Variants in OR3A2 observed in about 807,000 individuals in gnomAD.
OR3A2 encodes the protein olfactory receptor 3A2.
For synonymous variants in OR3A2, 126 were observed against 159.3 expected, an observed-to-expected ratio of 0.79 and a Z score of 1.57; for missense variants, 318 against 392.8, an observed-to-expected ratio of 0.81 and a Z score of 1.61.
intron 2 of OR3A2, among the ~76,000 whole-genome samples, chr17:3,355,647 T>C (rs1010633821): frequency 1.3e-5 from 2 of 151,422 alleles, no homozygotes; most frequent in African/African-American, 4.9e-5. Flanking sequence ...TTCTGCTCTT[T>C]TTTGGTTTTC....
chr17:3,284,873 GC>G (rs1383438483), upstream of OR3A2, among the ~76,000 whole-genome samples: 15 of 150,788 alleles, frequency 9.9e-5, no homozygotes, highest in African/African-American at 3.4e-4. Flanking sequence ...GCAGAAACAA[GC>G]CAATTCCTGA....
At chr17:3,299,245 G>T (rs892795939) in intron 3 of OR3A2, among the ~76,000 whole-genome samples, 2 of 152,206 alleles carry the variant, frequency 1.3e-5, no homozygotes, top group Non-Finnish European at 2.9e-5. Context: ...TGAGCAGAGA[G>T]AGCTGACTCT....
At chr17:3,313,824 C>G (rs760277250) in intron 3 of OR3A2, among the ~76,000 whole-genome samples, 1 of 152,152 alleles carries the variant, frequency 6.6e-6, no homozygotes, top group Non-Finnish European at 1.5e-5. Context: ...TTATGTCTTC[C>G]AAACACACAA....
intron 3 of OR3A2, among the ~76,000 whole-genome samples, chr17:3,317,893 A>G (rs1296254551): frequency 6.6e-6 from 1 of 152,078 alleles, no homozygotes; most frequent in Non-Finnish European, 1.5e-5. Flanking sequence ...CCATGAATGA[A>G]CTAGTGAAGA....
chr17:3,349,703 C>A (rs1380205543), intron 2 of OR3A2, among the ~76,000 whole-genome samples: 1 of 150,826 alleles, frequency 6.6e-6, no homozygotes, highest in African/African-American at 2.4e-5. Context: ...CTACAGAACT[C>A]TCCACCCCAA....
intron 2 of OR3A2, among the ~76,000 whole-genome samples, chr17:3,343,393 G>A (rs556772901): frequency 1.3e-5 from 2 of 152,162 alleles, no homozygotes; most frequent in Non-Finnish European, 2.9e-5. Flanking sequence ...ATCTTGAAAT[G>A]AACCTACTTA....
chr17:3,361,693 G>T (rs1321380699), intron 2 of OR3A2, among the ~76,000 whole-genome samples: 2 of 151,488 alleles, frequency 1.3e-5, no homozygotes, highest in African/African-American at 4.9e-5. Flanking sequence ...TTTGTTTTTT[G>T]TTCTGTTTAT....
chr17:3,321,095 A>T (rs976501683), intron 3 of OR3A2, among the ~76,000 whole-genome samples: 1 of 152,048 alleles, frequency 6.6e-6, no homozygotes, highest in Non-Finnish European at 1.5e-5. Flanking sequence ...GGTCCTTCAC[A>T]TCCTTTGTAA....
chr17:3,365,931 C>T (rs1284189868), intron 2 of OR3A2, among the ~76,000 whole-genome samples: 2 of 152,184 alleles, frequency 1.3e-5, no homozygotes, highest in East Asian at 1.9e-4. Context: ...TTTGAACACA[C>T]AGGACTCAGG....
chr17:3,379,290 G>A (rs571697595), intron 2 of OR3A2, among the ~76,000 whole-genome samples: 38 of 152,124 alleles, frequency 2.5e-4, no homozygotes, highest in Non-Finnish European at 4.9e-4. Context: ...CCAGATCCAG[G>A]AGGGCTACTC....
chr17:3,379,233 T>TGTC (rs2049712515), intron 2 of OR3A2, among the ~76,000 whole-genome samples: 1 of 152,186 alleles, frequency 6.6e-6, no homozygotes, highest in South Asian at 2.1e-4. Context: ...AGAACAAGAC[T>TGTC]GTCCTCAGGA....
intron 2 of OR3A2, among the ~76,000 whole-genome samples, chr17:3,346,318 C>T (rs2049363631): frequency 6.6e-6 from 1 of 152,052 alleles, no homozygotes; most frequent in South Asian, 2.1e-4. Flanking sequence ...TATAGGCAGG[C>T]AATGTGTGCA....
upstream of OR3A2, among the ~76,000 whole-genome samples, chr17:3,285,651 A>G (rs977674093): frequency 6.6e-6 from 1 of 152,086 alleles, no homozygotes; most frequent in East Asian, 1.9e-4. Flanking sequence ...TGTCAGGCAC[A>G]GTGGTGCGGG....
At chr17:3,380,976 T>A (rs2150669354) in intron 2 of OR3A2, among the ~76,000 whole-genome samples, 1 of 152,306 alleles carries the variant, frequency 6.6e-6, no homozygotes, top group African/African-American at 2.4e-5. Flanking sequence ...TTTATGTCTC[T>A]GGCATTTGTT....
intron 2 of OR3A2, among the ~76,000 whole-genome samples, chr17:3,347,706 C>T (rs763784719): frequency 5.9e-5 from 9 of 152,230 alleles, no homozygotes; most frequent in Non-Finnish European, 7.4e-5. Context: ...AATAAACATA[C>T]GTGTGCATGT....
At chr17:3,292,660 GACCCCCTTCTACTTGCCCGGCC>G (rs2048886944) in intron 3 of OR3A2, 3 of 1,310,218 alleles carry the variant, frequency 2.3e-6, no homozygotes, top group Non-Finnish European at 3.1e-6. Context: ...AAAAGAAACA[GACCCCCTTCTACTTGCCCGGCC>G]CTCTGCCACG....
chr17:3,341,065 T>A (rs897494010), intron 2 of OR3A2, among the ~76,000 whole-genome samples: 1 of 152,154 alleles, frequency 6.6e-6, no homozygotes, highest in Non-Finnish European at 1.5e-5. Context: ...AAAGTCTGTC[T>A]TATCAGAGAC....
intron 2 of OR3A2, among the ~76,000 whole-genome samples, chr17:3,372,425 G>A (rs371244284): frequency 0.24 from 35,539 of 151,158 alleles, 4,900 homozygotes; most frequent in East Asian, 0.52. Context: ...ACGGGGTGGC[G>A]GCTGGGCAGA....
chr17:3,352,295 T>A (rs1329231551), intron 2 of OR3A2, among the ~76,000 whole-genome samples: 2 of 151,954 alleles, frequency 1.3e-5, no homozygotes. Context: ...TGGTTGCCTC[T>A]GCTTGTGGAA....
Sources: allele counts gnomAD v4.1 joint callset (sites outside exome capture counted in the v4.1 genomes callset), GRCh38; gene constraint gnomAD v4.1.1; transcripts MANE v1.5; gene names NCBI Gene and HGNC (gene_info 2026-07-23, HGNC 2026-07-21).